AVEN: variants seen among roughly 807,000 people sequenced by gnomAD.
AVEN encodes the protein cell death regulator Aven.
AVEN carries 41 observed loss-of-function variants against 38.1 expected under a neutral mutation model. The observed-to-expected ratio is 1.08, with a 90% CI of 0.84 to 1.40. AVEN has a LOEUF of 1.40. Ranked by LOEUF, AVEN falls within the 40% of genes most tolerant of loss-of-function variation. The probability of loss-of-function intolerance (pLI) is 0.00; values close to 1 mark genes in which losing one functional copy is unlikely to be tolerated. For synonymous variants in AVEN, 206 were observed against 171.8 expected (o/e 1.20, Z -1.56); for missense variants, 605 against 438.8 (o/e 1.38, Z -3.38).
chr15:33,867,583 A>C lies in AVEN; in HGVS notation c.885T>G (p.Pro295=), dbSNP rs1890686439. 1.2e-6 allele frequency: 2 copies of C among 1,614,072 alleles called. No individual in the cohort carries two copies. The highest frequency in any genetic ancestry group is 1.7e-5 in the Admixed American group (1 of 60,002). ...ELDLLLNLDA[P]IKEGDNILPD... is the part of the protein sequence containing the mutation. Reference sequence around the variant, plus strand: ...GTAAGATGTTATCTCCCTCTTTTATAGGTGCATCTAAATTAAGCAACAGAT... The same window carrying C: ...GTAAGATGTTATCTCCCTCTTTTATCGGTGCATCTAAATTAAGCAACAGAT... The change falls in exon 5 of 6, where the codon CCT becomes CCG. Residue 295 remains proline (P), a synonymous_variant. Coordinates refer to ENST00000306730, the MANE Select transcript of AVEN (RefSeq NM_020371.3).
downstream of AVEN, chr15:33,865,369 ATTTTGAAAT>A (rs1048625728): frequency 6.3e-6 from 4 of 639,294 alleles, no homozygotes; most frequent in Non-Finnish European, 1.1e-5. Flanking sequence ...AATCTGTGCT[ATTTTGAAAT>A]TGATTTGGCT....
At chr15:33,958,782 G>C (rs1410566174) in intron 2 of AVEN, among the ~76,000 whole-genome samples, 2 of 152,104 alleles carry the variant, frequency 1.3e-5, no homozygotes, top group African/African-American at 4.8e-5. Flanking sequence ...TGGTCTGGTA[G>C]AATAGCATCC....
intron 1 of AVEN, among the ~76,000 whole-genome samples, chr15:34,033,225 G>C (rs904082312): frequency 1.3e-5 from 2 of 152,162 alleles, no homozygotes; most frequent in African/African-American, 4.8e-5. Context: ...TAACTGCAAG[G>C]CTGGGCGCGG....
At position 33,870,950 on chromosome 15, in the gene AVEN, A is replaced by G. The variant is rs1387284057; in HGVS notation, c.597T>C (p.Ala199=). ...GGATTTTTACCTGGACCAGTTCGGC[A>G]GCAACGTTGAGTCGGAGGCAGAGAG... ...ELPLCLRLNV[A]AELVQGTVPL... The change falls in exon 4 of 6, where the codon GCT becomes GCC. Residue 199 remains alanine (A), a synonymous_variant. Coordinates refer to ENST00000306730, the MANE Select transcript of AVEN (RefSeq NM_020371.3). 1.9e-6 allele frequency: 3 copies of G among 1,611,394 alleles called. No homozygotes were observed. The highest frequency in any genetic ancestry group is 2.5e-6 in the Non-Finnish European group (3 of 1,178,320).
At chr15:33,931,559 G>A (rs1048505251) in intron 2 of AVEN, among the ~76,000 whole-genome samples, 72 of 151,544 alleles carry the variant, frequency 4.8e-4, no homozygotes, top group East Asian at 1.2e-3. Flanking sequence ...TTTAGTAGAG[G>A]CGGGGTTTCA....
chr15:33,917,409 C>CTA (rs1567412527), intron 2 of AVEN, among the ~76,000 whole-genome samples: 2 of 145,796 alleles, frequency 1.4e-5, no homozygotes, highest in East Asian at 2.0e-4. Flanking sequence ...TGGAATACTA[C>CTA]TATATATATA....
chr15:33,998,166 G>A (rs1433811029), intron 2 of AVEN, among the ~76,000 whole-genome samples: 23 of 152,062 alleles, frequency 1.5e-4, no homozygotes, highest in African/African-American at 5.5e-4. Context: ...AACTGCCCAA[G>A]CCCCAGCAAT....
intron 4 of AVEN, among the ~76,000 whole-genome samples, chr15:33,870,591 G>A (rs1357796481): frequency 1.3e-5 from 2 of 152,166 alleles, no homozygotes; most frequent in South Asian, 4.1e-4. Flanking sequence ...TTAAGTTCCA[G>A]AAAGGCAGGA....
At chr15:34,064,607 T>A (rs909926798) in intron 4 of AVEN, 4 of 397,096 alleles carry the variant, frequency 1.0e-5, no homozygotes, top group Non-Finnish European at 1.4e-5. Context: ...GCACACTGGG[T>A]AACAATGAAC....
At chr15:33,997,872 T>C (rs1007956286) in intron 2 of AVEN, among the ~76,000 whole-genome samples, 3 of 152,200 alleles carry the variant, frequency 2.0e-5, no homozygotes, top group African/African-American at 7.2e-5. Flanking sequence ...CAGGGAAAAG[T>C]ATACCTGTTC....
intron 4 of AVEN, chr15:34,064,010 A>C: frequency 3.7e-6 from 6 of 1,614,154 alleles, no homozygotes; most frequent in Non-Finnish European, 5.1e-6. Context: ...AACGAAAGAG[A>C]GTGGTCCTAG....
intron 2 of AVEN, among the ~76,000 whole-genome samples, chr15:33,963,810 A>AAG (rs1555511016): frequency 9.9e-5 from 15 of 150,822 alleles, no homozygotes; most frequent in South Asian, 2.1e-4. Flanking sequence ...AAAAAAAAAA[A>AAG]AAAGAAAACG....
rs534661692 is a variant in AVEN, at chr15:33,949,259, C to T, written c.445+53773G>A. 2.5e-3 allele frequency among the ~76,000 whole-genome samples: 375 copies of T among 151,578 alleles called. 1 individual carries two copies. Among genetic ancestry groups the T allele is most frequent in the Non-Finnish European group, 4.2e-3 (285 of 67,852 alleles). On this transcript the variant is annotated intron_variant, in intron 2 of 5. Coordinates refer to ENST00000306730, the MANE Select transcript of AVEN (RefSeq NM_020371.3). Reference sequence around the variant, plus strand: ...GCCAGGATGGTCTCAATCTCCTGACCTCATGATCCGCCCGCCTCAGCCTCG... The same window carrying T: ...GCCAGGATGGTCTCAATCTCCTGACTTCATGATCCGCCCGCCTCAGCCTCG...
At chr15:34,010,909 A>T (rs1235274972) in intron 1 of AVEN, among the ~76,000 whole-genome samples, 4 of 152,226 alleles carry the variant, frequency 2.6e-5, no homozygotes, top group Non-Finnish European at 5.9e-5. Context: ...TTATATAATC[A>T]TTTGGACCAT....
chr15:33,900,102 T>A (rs372237980), intron 2 of AVEN, among the ~76,000 whole-genome samples: 2 of 152,092 alleles, frequency 1.3e-5, no homozygotes. Context: ...ATGAATCACC[T>A]TTTTTTTCTT....
intron 2 of AVEN, among the ~76,000 whole-genome samples, chr15:33,930,632 T>A (rs986118119): frequency 6.6e-6 from 1 of 152,134 alleles, no homozygotes; most frequent in Non-Finnish European, 1.5e-5. Context: ...ATGTTCAATA[T>A]GAAATTCAGA....
intron 1 of AVEN, among the ~76,000 whole-genome samples, chr15:34,008,112 GA>G (rs780982534): frequency 1.3e-5 from 2 of 151,986 alleles, no homozygotes; most frequent in Admixed American, 1.3e-4. Context: ...TATCACAGGA[GA>G]AAAAAATAGT....
At position 34,022,525 on chromosome 15, in the gene AVEN, C is replaced by T. The variant is rs572325359; in HGVS notation, c.267+16255G>A. 3.3e-5 allele frequency among the ~76,000 whole-genome samples: 5 copies of T among 152,280 alleles called. No individual in the cohort carries two copies. The East Asian group carries it at 9.7e-4, about 29-fold the overall frequency. ...CCATCCATCAGAACAAAATGCAAAT[C>T]CCAGGATCAGGACTACGCAGCAGGA... On this transcript the variant is annotated intron_variant, in intron 1 of 5. Transcript: ENST00000306730.
intron 5 of AVEN, among the ~76,000 whole-genome samples, chr15:34,051,794 A>G (rs565931198): frequency 1.8e-4 from 27 of 152,240 alleles, no homozygotes; most frequent in African/African-American, 6.3e-4. Context: ...ACCAAGAAGA[A>G]ACTGAATCCC....
Sources: allele counts gnomAD v4.1 joint callset (sites outside exome capture counted in the v4.1 genomes callset), GRCh38; gene constraint gnomAD v4.1.1; transcripts MANE v1.5; gene names NCBI Gene and HGNC (gene_info 2026-07-23, HGNC 2026-07-21).